CCDC126: variants seen among roughly 807,000 people sequenced by gnomAD.
CCDC126 encodes the protein coiled-coil domain containing 126.
Under a neutral mutation model 11.7 loss-of-function variants are expected in CCDC126, and 5 were observed. That is an observed-to-expected ratio of 0.43 (90% CI 0.22 to 0.90). The LOEUF is 0.90. Among genes scored for constraint, CCDC126 ranks in the 40% least tolerant of loss-of-function variants. The pLI, the probability that CCDC126 is intolerant of heterozygous loss-of-function variation, is 0.27. For missense variants in CCDC126, 150 were observed against 163.1 expected, an observed-to-expected ratio of 0.92 and a Z score of 0.44; for synonymous variants, 60 against 61.9, an observed-to-expected ratio of 0.97 and a Z score of 0.14.
chr7:23,612,339 C>T (rs1238396087), intron 3 of CCDC126, among the ~76,000 whole-genome samples: 1 of 151,174 alleles, frequency 6.6e-6, no homozygotes, highest in Non-Finnish European at 1.5e-5. Flanking sequence ...GTGGCAGGTG[C>T]CTGTAATCCC....
chr7:23,608,548 T>C (rs1267144945), intron 2 of CCDC126, among the ~76,000 whole-genome samples: 1 of 152,236 alleles, frequency 6.6e-6, no homozygotes, highest in East Asian at 1.9e-4. Context: ...GTCAGAACGA[T>C]TCTTCTTCCA....
chr7:23,617,505 G>T (rs544145887), intron 3 of CCDC126, among the ~76,000 whole-genome samples: 1 of 152,002 alleles, frequency 6.6e-6, no homozygotes, highest in Non-Finnish European at 1.5e-5. Context: ...GAGAAATGAG[G>T]CACTAAAAGG....
rs201215778 is a variant in CCDC126 at position 23,621,121 on chromosome 7, C to T, written c.238+9568C>T. 1.1e-4 allele frequency among the ~76,000 whole-genome samples: 16 copies of T among 152,328 alleles called. No individual in the cohort carries two copies. In the East Asian group the frequency reaches 2.9e-3, roughly 28 times the overall value. ...TTTTTTCCAATTCTGTGAAGAAAGT[C>T]ATTGGTAGCTTGATGGGGATGGCAT... On this transcript the variant is annotated intron_variant, in intron 3 of 3. Coordinates refer to ENST00000307471, the MANE Select transcript of CCDC126 (RefSeq NM_138771.4).
In CCDC126 at chr7:23,620,137, G is replaced by C. The variant is rs184792539; in HGVS notation, c.238+8584G>C. 1.0e-2 allele frequency among the ~76,000 whole-genome samples: 1,521 copies of C among 152,272 alleles called. 19 individuals carry two copies. The highest frequency in any genetic ancestry group is 0.016 in the Non-Finnish European group (1,105 of 68,032). ...GGGTCAAATGGTATTTCTAGTTCTA[G>C]ATCCCTGAGGAATCGCCACACTGCC... On this transcript the variant is annotated intron_variant, in intron 3 of 3. Coordinates refer to ENST00000307471, the MANE Select transcript of CCDC126 (RefSeq NM_138771.4).
intron 3 of CCDC126, among the ~76,000 whole-genome samples, chr7:23,628,858 A>G (rs1193360641): frequency 1.3e-5 from 2 of 152,174 alleles, no homozygotes; most frequent in Non-Finnish European, 2.9e-5. Flanking sequence ...TGGAGAGTAC[A>G]TGGGGACCTG....
intron 2 of CCDC126, 45 bp from the exon 3 acceptor site, chr7:23,611,126 T>G: frequency 2.0e-6 from 1 of 508,132 alleles, no homozygotes; most frequent in Non-Finnish European, 3.5e-6. Flanking sequence ...GTTCTGTTAC[T>G]GATACAGATT....
At chr7:23,635,367 C>G (rs1268781671) in intron 3 of CCDC126, among the ~76,000 whole-genome samples, 2 of 152,234 alleles carry the variant, frequency 1.3e-5, no homozygotes, top group African/African-American at 2.4e-5. Context: ...GGGGTTCTTA[C>G]TGCTAGCACC....
At chr7:23,597,908 A>G (rs1584188856) in intron 1 of CCDC126, 59 bp from the exon 2 acceptor site, 1 of 152,144 alleles carries the variant, frequency 6.6e-6, no homozygotes, top group Admixed American at 6.5e-5. Context: ...CTTGGTCCGG[A>G]GCTGCGGGAT....
chr7:23,629,312 C>T (rs1302350602), intron 3 of CCDC126, among the ~76,000 whole-genome samples: 1 of 152,208 alleles, frequency 6.6e-6, no homozygotes, highest in Non-Finnish European at 1.5e-5. Flanking sequence ...TCTTCCACCC[C>T]TCTGCCATGT....
chr7:23,608,725 C>T (rs999926194), intron 2 of CCDC126, among the ~76,000 whole-genome samples: 20 of 152,272 alleles, frequency 1.3e-4, no homozygotes, highest in African/African-American at 4.8e-4. Context: ...AATGGGTTCT[C>T]CTTGCCCGAT....
At chr7:23,629,780 CAG>C (rs748450184) in intron 3 of CCDC126, among the ~76,000 whole-genome samples, 4 of 152,176 alleles carry the variant, frequency 2.6e-5, no homozygotes, top group African/African-American at 7.2e-5. Flanking sequence ...ATCCAAATAA[CAG>C]GGAGAAAAAC....
intron 3 of CCDC126, among the ~76,000 whole-genome samples, chr7:23,621,110 G>T (rs1206996218): frequency 6.6e-6 from 1 of 152,200 alleles, no homozygotes; most frequent in Non-Finnish European, 1.5e-5. Context: ...TTCCAATTCT[G>T]TGAAGAAAGT....
At chr7:23,617,348 CAAAAAAAAAAAA>C (rs35391703) in intron 3 of CCDC126, among the ~76,000 whole-genome samples, 3 of 36,248 alleles carry the variant, frequency 8.3e-5, no homozygotes, top group South Asian at 2.6e-3. Context: ...ATGCTGTCTC[CAAAAAAAAAAAA>C]AAAAAAAAAA....
chr7:23,612,403 A>T (rs1038116124), intron 3 of CCDC126, among the ~76,000 whole-genome samples: 3 of 122,148 alleles, frequency 2.5e-5, no homozygotes, highest in Admixed American at 1.1e-4. Context: ...TGAACCCAGG[A>T]GGTGGAGGTT....
At chr7:23,619,339 A>T in intron 3 of CCDC126, 1 of 346,058 alleles carries the variant, frequency 2.9e-6, no homozygotes, top group South Asian at 2.8e-5. Flanking sequence ...GACCATAGGG[A>T]AGCAAAAGAA....
chr7:23,607,853 C>T (rs1314991134), intron 2 of CCDC126, among the ~76,000 whole-genome samples: 1 of 152,138 alleles, frequency 6.6e-6, no homozygotes, highest in African/African-American at 2.4e-5. Flanking sequence ...TGACAAGGTT[C>T]ATAAATTTGG....
intron 3 of CCDC126, among the ~76,000 whole-genome samples, chr7:23,621,179 A>G (rs1782890017): frequency 1.3e-5 from 2 of 152,184 alleles, no homozygotes; most frequent in Admixed American, 1.3e-4. Flanking sequence ...CAGTATGGCC[A>G]TTTTCACGAT....
At chr7:23,601,163 C>T (rs1424513964) in intron 2 of CCDC126, among the ~76,000 whole-genome samples, 3 of 152,080 alleles carry the variant, frequency 2.0e-5, no homozygotes, top group African/African-American at 7.2e-5. Flanking sequence ...GCAGGAAGAT[C>T]GCCTGAGCTC....
chr7:23,617,667 T>C (rs1782818455), intron 3 of CCDC126, among the ~76,000 whole-genome samples: 1 of 152,102 alleles, frequency 6.6e-6, no homozygotes. Flanking sequence ...TCCACAAGAC[T>C]GCCCTCACTT....
Sources: allele counts gnomAD v4.1 joint callset (sites outside exome capture counted in the v4.1 genomes callset), GRCh38; gene constraint gnomAD v4.1.1; transcripts MANE v1.5; gene names NCBI Gene and HGNC (gene_info 2026-07-23, HGNC 2026-07-21).